PCDH11X: variants seen among roughly 807,000 people sequenced by gnomAD.
The protein encoded by PCDH11X is protocadherin-11 X-linked.
A neutral mutation model predicts 53.3 loss-of-function variants in PCDH11X; 18 were observed. The ratio of observed to expected loss-of-function variants is 0.34; its 90% CI spans 0.23 to 0.50. PCDH11X has a LOEUF of 0.50. Among genes scored for constraint, PCDH11X ranks in the 20% least tolerant of loss-of-function variants. The probability of loss-of-function intolerance (pLI) is 0.98; values close to 1 mark genes in which losing one functional copy is unlikely to be tolerated. For missense variants in PCDH11X, 570 were observed against 1,032.4 expected (o/e 0.55, Z 6.14); for synonymous variants, 279 against 393.3 (o/e 0.71, Z 3.44).
intron 6 of PCDH11X, among the ~76,000 whole-genome samples, chrX:91,900,765 A>G (rs1201427879): frequency 6.4e-5 from 7 of 109,751 alleles, no homozygotes; most frequent in African/African-American, 1.3e-4. Flanking sequence ...CTGAAATGCA[A>G]CTTCTAATTC....
intron 6 of PCDH11X, among the ~76,000 whole-genome samples, chrX:92,134,839 G>A (rs1036619055): frequency 9.0e-6 from 1 of 110,891 alleles, no homozygotes; most frequent in Non-Finnish European, 1.9e-5. Flanking sequence ...TGCCTTCTTG[G>A]TTTTGGCGGG....
chrX:92,171,742 G>A (rs2148277015), intron 6 of PCDH11X, among the ~76,000 whole-genome samples: 1 of 111,261 alleles, frequency 9.0e-6, no homozygotes, highest in East Asian at 2.9e-4. Context: ...TTACAGGCAT[G>A]AGTCACCGTG....
rs759815957 is a variant in PCDH11X, at chrX:92,485,811, C to T, written c.3367+17489C>T. On this transcript the variant is annotated intron_variant, in intron 10 of 10. Coordinates refer to ENST00000682573, the MANE Select transcript of PCDH11X (RefSeq NM_032968.5). ...CAAAATTGAGTACTTTGATTGATAT[C>T]ACCCTGCCAAAGATTCAGCCAAGAG... is the stretch of plus-strand genomic sequence containing the variant. Among the ~76,000 whole-genome samples the T allele has an allele frequency of 4.1e-3, 456 of 111,352 alleles. 2 individuals are homozygous for T. The highest frequency in any genetic ancestry group is 0.014 in the African/African-American group (429 of 30,713).
chrX:92,462,219 G>A (rs910735016), intron 9 of PCDH11X, among the ~76,000 whole-genome samples: 3 of 111,610 alleles, frequency 2.7e-5, no homozygotes, highest in African/African-American at 3.3e-5. Flanking sequence ...TCAAAGCTTC[G>A]AAATTGGGTA....
intron 6 of PCDH11X, among the ~76,000 whole-genome samples, chrX:92,111,196 G>T (rs1284353787): frequency 2.8e-5 from 2 of 72,294 alleles, no homozygotes; most frequent in Non-Finnish European, 4.6e-5. Context: ...AACTTTCTGA[G>T]CTGGATTTGA....
At chrX:91,782,739 G>A (rs1394171413) in intron 1 of PCDH11X, among the ~76,000 whole-genome samples, 1 of 111,327 alleles carries the variant, frequency 9.0e-6, no homozygotes, top group African/African-American at 3.3e-5. Context: ...AGAGACACGC[G>A]CTCCAAATTG....
chrX:91,791,927 T>C (rs1207282694), intron 1 of PCDH11X, among the ~76,000 whole-genome samples: 1 of 101,359 alleles, frequency 9.9e-6, no homozygotes, highest in African/African-American at 3.6e-5. Flanking sequence ...AGTGGCGCAA[T>C]CTCGGCTCAC....
intron 7 of PCDH11X, among the ~76,000 whole-genome samples, chrX:92,218,578 C>G (rs1333847747): frequency 9.1e-6 from 1 of 109,975 alleles, no homozygotes; most frequent in East Asian, 2.9e-4. Context: ...CAAACAGAGT[C>G]CAGGACCAGA....
chrX:92,352,850 A>C (rs932642587), intron 8 of PCDH11X, among the ~76,000 whole-genome samples: 7 of 110,593 alleles, frequency 6.3e-5, no homozygotes, highest in African/African-American at 2.3e-4. Context: ...GAATACCAGC[A>C]CAGTGTTTTG....
chrX:92,618,944 T>C lies in PCDH11X; in HGVS notation c.*4T>C, dbSNP rs199724966. On this transcript the variant is annotated 3_prime_UTR_variant, in exon 11 of 11. Transcript: ENST00000682573. ...TATGGAAGAACATCCCTTGTAAAGCTAAAATAGTTACTTCAAATTTTCAGA... is the reference window on the plus strand; with the variant it reads ...TATGGAAGAACATCCCTTGTAAAGCCAAAATAGTTACTTCAAATTTTCAGA... 3.4e-3 allele frequency: 4,148 copies of C among 1,209,758 alleles called. 8 individuals carry two copies. The highest frequency in any genetic ancestry group is 4.4e-3 in the Non-Finnish European group (3,918 of 894,773).
At chrX:92,014,426 C>T (rs1346865755) in intron 6 of PCDH11X, among the ~76,000 whole-genome samples, 5 of 109,313 alleles carry the variant, frequency 4.6e-5, no homozygotes, top group Admixed American at 3.9e-4. Flanking sequence ...AACACTTTTA[C>T]ACTGTTGGTG....
intron 6 of PCDH11X, among the ~76,000 whole-genome samples, chrX:91,987,573 T>C (rs1352332095): frequency 9.0e-6 from 1 of 111,532 alleles, no homozygotes; most frequent in Non-Finnish European, 1.9e-5. Flanking sequence ...TTAATTTATA[T>C]TACAAATGAT....
chrX:92,403,590 G>A (rs2071444476), intron 9 of PCDH11X, among the ~76,000 whole-genome samples: 1 of 110,269 alleles, frequency 9.1e-6, no homozygotes. Flanking sequence ...GAGCACTTAA[G>A]TTGCTTTTCA....
chrX:92,282,022 AGAAGAT>A (rs1351192639), intron 8 of PCDH11X, among the ~76,000 whole-genome samples: 3 of 110,937 alleles, frequency 2.7e-5, no homozygotes, highest in Non-Finnish European at 5.7e-5. Flanking sequence ...AGGAAAATGA[AGAAGAT>A]AAAGAAGAAT....
At chrX:91,875,693 G>A (rs748086090) in intron 5 of PCDH11X, among the ~76,000 whole-genome samples, 5 of 110,267 alleles carry the variant, frequency 4.5e-5, no homozygotes, top group South Asian at 7.7e-4. Context: ...GTCTTGACCT[G>A]TGAATTTTAG....
At chrX:92,564,709 C>A (rs1921251264) in intron 10 of PCDH11X, among the ~76,000 whole-genome samples, 1 of 111,530 alleles carries the variant, frequency 9.0e-6, no homozygotes, top group Admixed American at 9.5e-5. Flanking sequence ...TTGATCTGTG[C>A]AGAAATTTCT....
intron 6 of PCDH11X, among the ~76,000 whole-genome samples, chrX:91,920,016 G>A (rs1264556486): frequency 9.0e-6 from 1 of 111,532 alleles, no homozygotes; most frequent in Non-Finnish European, 1.9e-5. Flanking sequence ...CCTTTACAGA[G>A]TAAGTGTGAA....
At chrX:92,180,014 A>G (rs1351587281) in intron 6 of PCDH11X, among the ~76,000 whole-genome samples, 2 of 111,840 alleles carry the variant, frequency 1.8e-5, no homozygotes, top group Non-Finnish European at 3.8e-5. Flanking sequence ...TGCTATAAAG[A>G]ACTACCTGAA....
chrX:91,982,336 C>T (rs774581569), intron 6 of PCDH11X, among the ~76,000 whole-genome samples: 3 of 108,388 alleles, frequency 2.8e-5, no homozygotes, highest in South Asian at 8.4e-4. Flanking sequence ...CATTCATTTA[C>T]TCAATATGAA....
Sources: gnomAD v4.1 joint callset for allele counts (sites outside exome capture counted in the v4.1 genomes callset) on GRCh38, gnomAD v4.1.1 for gene constraint, MANE v1.5 for transcripts, NCBI Gene and HGNC (gene_info 2026-07-23, HGNC 2026-07-21) for gene names.